Variants in SIPA1L2 observed in about 807,000 individuals in gnomAD.
SIPA1L2 encodes signal induced proliferation associated 1 like 2.
In SIPA1L2, 56 loss-of-function variants were observed where a neutral mutation model predicts 163.9. The ratio of observed to expected loss-of-function variants is 0.34; its 90% CI spans 0.28 to 0.43. The LOEUF (loss-of-function observed/expected upper bound fraction) is 0.43. SIPA1L2 is among the 20% of genes least tolerant of loss of function. The probability of loss-of-function intolerance (pLI) is 1.00; values close to 1 mark genes in which losing one functional copy is unlikely to be tolerated. For missense variants in SIPA1L2, 1,974 were observed against 2,193.5 expected (o/e 0.90, Z 2.00); for synonymous variants, 877 against 865.7 (o/e 1.01, Z -0.23).
At chr1:232,452,179 C>T (rs936826643) in intron 10 of SIPA1L2, among the ~76,000 whole-genome samples, 1 of 151,832 alleles carries the variant, frequency 6.6e-6, no homozygotes, top group Admixed American at 6.6e-5. Flanking sequence ...AAAAGGGACA[C>T]TCATTAACTT....
chr1:232,619,532 C>G (rs548787125), intron 1 of SIPA1L2, among the ~76,000 whole-genome samples: 1 of 152,300 alleles, frequency 6.6e-6, no homozygotes, highest in South Asian at 2.1e-4. Context: ...TCAGTAACAT[C>G]AGGAAGTTTA....
intron 1 of SIPA1L2, among the ~76,000 whole-genome samples, chr1:232,597,767 T>C (rs1206631264): frequency 6.7e-6 from 1 of 149,462 alleles, no homozygotes; most frequent in African/African-American, 2.5e-5. Flanking sequence ...CCTACTGTGA[T>C]CCAGGCAAGA....
chr1:232,505,359 C>T (rs1017796326), intron 3 of SIPA1L2, among the ~76,000 whole-genome samples: 1 of 152,182 alleles, frequency 6.6e-6, no homozygotes, highest in Non-Finnish European at 1.5e-5. Context: ...CTCCAAAGAC[C>T]TTTACTTCCA....
At chr1:232,411,898 T>A (rs1660978604) in intron 19 of SIPA1L2, among the ~76,000 whole-genome samples, 1 of 152,346 alleles carries the variant, frequency 6.6e-6, no homozygotes, top group Non-Finnish European at 1.5e-5. Context: ...TTTGCTTCTC[T>A]TTTTCTTATT....
At position 232,470,031 on chromosome 1, in the gene SIPA1L2, C is replaced by T. The variant is rs1054735933; in HGVS notation, c.2243+1340G>A. ...CCATAAAATAACACCAAATACAATA[C>T]GATAAAGCCTTATACTTCAGTTTTC... On this transcript the variant is annotated intron_variant, in intron 8 of 22. Transcript: ENST00000674635. Among the ~76,000 whole-genome samples the T allele has an allele frequency of 1.4e-4, 21 of 152,030 alleles. No homozygotes were observed. The East Asian group carries it at 2.9e-3, about 21-fold the overall frequency.
At position 232,562,398 on chromosome 1, in the gene SIPA1L2, G is replaced by A. The variant is rs12403223; in HGVS notation, c.-270+11776C>T. Among the ~76,000 whole-genome samples, 7,486 of 152,294 alleles carry A rather than the reference G, an allele frequency of 0.049. 846 individuals carry two copies. In the East Asian group the frequency reaches 0.5, roughly 10 times the overall value. The stretch of plus-strand genomic sequence containing the variant: ...ATGAAAATTAGTTTGGGGATGATCT[G>A]CATAAAGATATGTGCTTTAAAAAGT... On this transcript the variant is annotated intron_variant, in intron 2 of 22. Transcript: ENST00000674635.
In SIPA1L2 at chr1:232,441,307, G is replaced by A. The variant is rs1012769833; in HGVS notation, c.3626C>T (p.Pro1209Leu). ...LQKDGSCKDS[P>L]NKLSHIGDKS... ...AGGACTTACGTGAGAAAGCTTATTG[G>A]GGGAATCTTTGCAACTTCCATCTTT... The change falls in exon 14 of 23, where the codon CCC becomes CTC. Residue 1209 changes from proline (P) to leucine (L), a missense_variant. Transcript: ENST00000674635. 2.5e-6 allele frequency: 4 copies of A among 1,596,518 alleles called. No homozygotes were observed. The highest frequency in any genetic ancestry group is 2.3e-5 in the South Asian group (2 of 87,972).
chr1:232,545,497 T>C (rs1657977990), intron 2 of SIPA1L2, among the ~76,000 whole-genome samples: 2 of 152,222 alleles, frequency 1.3e-5, no homozygotes, highest in African/African-American at 4.8e-5. Flanking sequence ...AGAATAAATA[T>C]GTAATCACAC....
chr1:232,441,042 C>T (rs905497157), intron 14 of SIPA1L2, among the ~76,000 whole-genome samples: 1 of 152,260 alleles, frequency 6.6e-6, no homozygotes, highest in South Asian at 2.1e-4. Context: ...GATTTAGTAA[C>T]TACTGCACTG....
At chr1:232,500,060 C>G (rs1025606726) in intron 3 of SIPA1L2, among the ~76,000 whole-genome samples, 1 of 152,138 alleles carries the variant, frequency 6.6e-6, no homozygotes, top group African/African-American at 2.4e-5. Context: ...TCACTGCAAA[C>G]TCCACCTCCC....
chr1:232,595,083 C>T (rs1268537448), intron 1 of SIPA1L2, among the ~76,000 whole-genome samples: 1 of 152,146 alleles, frequency 6.6e-6, no homozygotes, highest in Non-Finnish European at 1.5e-5. Context: ...GCTACACAAC[C>T]GTGGCTAGCT....
At chr1:232,544,824 T>C (rs1183285572) in intron 2 of SIPA1L2, among the ~76,000 whole-genome samples, 1 of 152,238 alleles carries the variant, frequency 6.6e-6, no homozygotes, top group Non-Finnish European at 1.5e-5. Context: ...AACTTTATCA[T>C]TGTTATATCA....
intron 1 of SIPA1L2, among the ~76,000 whole-genome samples, chr1:232,601,433 C>G (rs554533542): frequency 5.9e-5 from 9 of 152,300 alleles, no homozygotes; most frequent in African/African-American, 2.2e-4. Context: ...TACTATGGGG[C>G]ATTCTTCCAA....
chr1:232,628,931 T>TA (rs11315791), intron 1 of SIPA1L2, among the ~76,000 whole-genome samples: 88 of 151,774 alleles, frequency 5.8e-4, no homozygotes, highest in Non-Finnish European at 1.1e-3. Flanking sequence ...TTGTTTTTTT[T>TA]AAAAAAAAGC....
In SIPA1L2 at chr1:232,432,367, A is replaced by C. The variant is rs1662293512; in HGVS notation, c.4136T>G (p.Val1379Gly). Residue 1379 changes from valine (V) to glycine (G), a missense_variant, in exon 16 of 23, where the codon GTT becomes GGT. Coordinates refer to ENST00000674635, the MANE Select transcript of SIPA1L2 (RefSeq NM_020808.5). The stretch of plus-strand genomic sequence containing the variant: ...GTAGGGCTTGGACATGGACCCGGGA[A>C]CCTGTTGTCCGCTGCTGTGAGACAC... ...YIVSHSSGQQ[V>G]PGSMSKPYHR... 6.2e-7 allele frequency: 1 copy of C among 1,614,066 alleles called. No homozygotes were observed.
Position 232,475,236 on chromosome 1 carries a change from A to G in SIPA1L2, c.2086-3708T>C, listed in dbSNP as rs1410532002. Among the ~76,000 whole-genome samples, 3 of 152,134 alleles carry G rather than the reference A, an allele frequency of 2.0e-5. No individual in the cohort carries two copies. The East Asian group carries it at 5.8e-4, about 29-fold the overall frequency. On this transcript the variant is annotated intron_variant, in intron 7 of 22. Coordinates refer to ENST00000674635, the MANE Select transcript of SIPA1L2 (RefSeq NM_020808.5). The stretch of plus-strand genomic sequence containing the variant: ...GACCTCATCACCTGCTCCTTACCAT[A>G]TAGACAGCGTCTTGTCCCTCCTACA...
intron 2 of SIPA1L2, among the ~76,000 whole-genome samples, chr1:232,567,052 T>C (rs915338963): frequency 5.9e-5 from 9 of 152,194 alleles, no homozygotes; most frequent in African/African-American, 1.9e-4. Flanking sequence ...GACTAATGGA[T>C]GACTTGGCCG....
chr1:232,469,829 AC>A (rs1664709302), intron 8 of SIPA1L2, among the ~76,000 whole-genome samples: 1 of 151,052 alleles, frequency 6.6e-6, no homozygotes, highest in Non-Finnish European at 1.5e-5. Flanking sequence ...TTTTAATTAA[AC>A]AACTCAGTTT....
At chr1:232,403,662 C>G (rs1660478505) in intron 20 of SIPA1L2, 91 bp from the exon 21 acceptor site, 3 of 1,460,626 alleles carry the variant, frequency 2.1e-6, no homozygotes, top group Non-Finnish European at 2.7e-6. Context: ...TAAATAAAAT[C>G]TTTTCCCCCC....
Sources: gnomAD v4.1 joint callset for allele counts (sites outside exome capture counted in the v4.1 genomes callset) on GRCh38, gnomAD v4.1.1 for gene constraint, MANE v1.5 for transcripts, NCBI Gene and HGNC (gene_info 2026-07-23, HGNC 2026-07-21) for gene names.